The following TNS1 variants were observed in gnomAD, a reference collection of about 807,000 sequenced individuals.
TNS1 encodes the protein tensin-1.
Under a neutral mutation model 168.6 loss-of-function variants are expected in TNS1, and 62 were observed. That is an observed-to-expected ratio of 0.37 (90% CI 0.30 to 0.45). TNS1 has a LOEUF of 0.45. TNS1 is among the 20% of genes least tolerant of loss of function. The pLI, the probability that TNS1 is intolerant of heterozygous loss-of-function variation, is 1.00. For synonymous variants in TNS1, 934 were observed against 933.2 expected (o/e 1.00, Z -0.02); for missense variants, 2,240 against 2,339.4 (o/e 0.96, Z 0.88).
intron 3 of TNS1, among the ~76,000 whole-genome samples, chr2:217,940,574 T>C (rs1439933408): frequency 1.3e-5 from 2 of 151,702 alleles, no homozygotes; most frequent in African/African-American, 4.8e-5. Context: ...AGCAACTTCA[T>C]GTAGTCCCTG....
chr2:217,879,466 G>A (rs956828093), intron 18 of TNS1: 15 of 453,874 alleles, frequency 3.3e-5, no homozygotes, highest in Admixed American at 1.9e-4. Flanking sequence ...CTGGGGGGTC[G>A]GAGGGGCCTG....
At chr2:217,935,467 C>A (rs766190346) in intron 3 of TNS1, among the ~76,000 whole-genome samples, 5 of 152,212 alleles carry the variant, frequency 3.3e-5, no homozygotes, top group Non-Finnish European at 7.3e-5. Flanking sequence ...CTCGCCTCTG[C>A]TCTCCCAGGG....
chr2:217,903,465 C>A, intron 6 of TNS1: 1 of 1,221,456 alleles, frequency 8.2e-7, no homozygotes, highest in South Asian at 1.7e-5. Context: ...TAATCCTATT[C>A]TTTTCCTCTC....
At chr2:217,832,995 C>T (rs778589982) in intron 21 of TNS1, among the ~76,000 whole-genome samples, 6 of 152,220 alleles carry the variant, frequency 3.9e-5, no homozygotes, top group Non-Finnish European at 8.8e-5. Flanking sequence ...GCCACACCCC[C>T]TCTTCCCTGT....
chr2:218,031,402 T>G (rs1958898416), intron 1 of TNS1, among the ~76,000 whole-genome samples: 1 of 150,832 alleles, frequency 6.6e-6, no homozygotes. Flanking sequence ...CTTGTGTGAG[T>G]GTGTGAGTGC....
Position 217,848,161 on chromosome 2 carries a change from G to T in TNS1, c.2356C>A (p.Arg786Ser). ...QQQQQQQQQPRPPPRQQERAH... is the reference protein window; with the variant it reads ...QQQQQQQQQPSPPPRQQERAH... ...CTTTCCTGCTGGCGTGGAGGTGGGC[G>T]AGGCTGCTGCTGCTGCTGCTGCTGC... The change falls in exon 19 of 33, where the codon CGC becomes AGC. Residue 786 changes from arginine (R) to serine (S), a missense_variant. Around this residue, in one of 2 missense-constraint regions of TNS1, gnomAD observed 2,131 missense variants for 2,171.2 expected, o/e 0.98. Transcript: ENST00000682258. 1 of 1,603,396 alleles carries T rather than the reference G, an allele frequency of 6.2e-7. No homozygotes were observed.
At chr2:217,988,821 G>A (rs943786741) in intron 2 of TNS1, among the ~76,000 whole-genome samples, 9 of 152,162 alleles carry the variant, frequency 5.9e-5, no homozygotes, top group Admixed American at 5.2e-4. Flanking sequence ...GACAAGCGAC[G>A]TGACCACTGC....
intron 19 of TNS1, among the ~76,000 whole-genome samples, chr2:217,846,033 C>T (rs1946601225): frequency 6.6e-6 from 1 of 152,182 alleles, no homozygotes; most frequent in Admixed American, 6.5e-5. Flanking sequence ...AGGATCTCTG[C>T]TGACAAAGCC....
At chr2:217,849,905 T>G in intron 18 of TNS1, 1 of 985,368 alleles carries the variant, frequency 1.0e-6, no homozygotes. Context: ...GAGCTGGGAC[T>G]CTCTAAGACA....
At chr2:217,906,173 C>A (rs904741901) in intron 6 of TNS1, among the ~76,000 whole-genome samples, 162 bp downstream of exon 6, 3 of 152,190 alleles carry the variant, frequency 2.0e-5, no homozygotes, top group Non-Finnish European at 4.4e-5. Context: ...AAGGCTGAGG[C>A]CCAGCCTGTA....
intron 18 of TNS1, chr2:217,849,652 G>T: frequency 1.0e-6 from 1 of 985,216 alleles, no homozygotes; most frequent in Non-Finnish European, 1.2e-6. Context: ...AGTCCCCTCC[G>T]CCACCCCATC....
chr2:217,896,085 A>G (rs547547881), intron 8 of TNS1, among the ~76,000 whole-genome samples: 1 of 152,366 alleles, frequency 6.6e-6, no homozygotes, highest in East Asian at 1.9e-4. Flanking sequence ...TAATTCTCTC[A>G]ACAACAATAA....
chr2:217,884,296 C>A (rs920660048), intron 16 of TNS1, among the ~76,000 whole-genome samples: 1 of 150,302 alleles, frequency 6.7e-6, no homozygotes, highest in African/African-American at 2.5e-5. Context: ...GATGGATGGA[C>A]AGATGGATGG....
At chr2:217,989,323 C>T (rs544949249) in intron 2 of TNS1, among the ~76,000 whole-genome samples, 15 of 152,146 alleles carry the variant, frequency 9.9e-5, no homozygotes, top group South Asian at 2.1e-4. Flanking sequence ...CTGGTGTGGA[C>T]GGTGGGTCAC....
At chr2:217,829,798 CAT>C in intron 22 of TNS1, 1 of 1,612,120 alleles carries the variant, frequency 6.2e-7, no homozygotes, top group Non-Finnish European at 8.5e-7. Flanking sequence ...TTTGAAAAGC[CAT>C]TTCCAGACCC....
chr2:217,876,601 C>G (rs554409959), intron 18 of TNS1, among the ~76,000 whole-genome samples: 1 of 152,298 alleles, frequency 6.6e-6, no homozygotes, highest in South Asian at 2.1e-4. Context: ...ACTGTTCCCC[C>G]ATTCAGATTC....
At chr2:217,851,141 T>C (rs73076309) in intron 18 of TNS1, among the ~76,000 whole-genome samples, 1,677 of 115,610 alleles carry the variant, frequency 0.015, 20 homozygotes, top group East Asian at 0.066. Context: ...CACACACACA[T>C]ACACACAAAT....
In TNS1 at chr2:217,989,702, C is replaced by T. The variant is rs1249356338; in HGVS notation, c.148+1240G>A. On this transcript the variant is annotated intron_variant, in intron 2 of 32. Transcript: ENST00000682258. ...AACAGGTCCTCCGCTGAGTCTGACT[C>T]GGGGCCTCTTAAAGTTGCCTCTGAG... 4.6e-5 allele frequency among the ~76,000 whole-genome samples: 7 copies of T among 152,070 alleles called. No individual in the cohort carries two copies. The South Asian group carries it at 1.0e-3, about 23-fold the overall frequency.
intron 19 of TNS1, 41 bp from the exon 20 acceptor site, chr2:217,836,252 G>A (rs756009294): frequency 4.5e-6 from 7 of 1,565,266 alleles, no homozygotes; most frequent in Non-Finnish European, 6.1e-6. Flanking sequence ...GAGCATTTTT[G>A]TGTAAGAAAT....
Sources: allele counts gnomAD v4.1 joint callset (sites outside exome capture counted in the v4.1 genomes callset), GRCh38; gene constraint gnomAD v4.1.1; regional missense constraint gnomAD v4.1.1; transcripts MANE v1.5; gene names NCBI Gene and HGNC (gene_info 2026-07-23, HGNC 2026-07-21).